The following PCDH15 variants were observed in gnomAD, a reference collection of about 807,000 sequenced individuals.
PCDH15 encodes the protein protocadherin related 15, also known as protocadherin-15.
Under a neutral mutation model 178.5 loss-of-function variants are expected in PCDH15, and 129 were observed. The observed-to-expected ratio is 0.72, with a 90% CI of 0.63 to 0.84. The LOEUF is 0.84. Among genes scored for constraint, PCDH15 ranks in the 40% least tolerant of loss-of-function variants. The pLI is 0.00. For missense variants in PCDH15, 2,230 were observed against 2,099.9 expected (o/e 1.06, Z -1.21); for synonymous variants, 800 against 732.0 (o/e 1.09, Z -1.50).
intron 23 of PCDH15, among the ~76,000 whole-genome samples, chr10:53,959,190 TAC>T (rs1312535466): frequency 1.3e-5 from 2 of 148,732 alleles, no homozygotes; most frequent in East Asian, 1.9e-4. Context: ...TATATATATA[TAC>T]ACACAGTATA....
intron 3 of PCDH15, among the ~76,000 whole-genome samples, chr10:54,884,604 G>T (rs1469187022): frequency 1.3e-5 from 2 of 151,762 alleles, no homozygotes; most frequent in Non-Finnish European, 2.9e-5. Context: ...TCTTTTCCAT[G>T]CTGCAAATCA....
rs142756151 is a variant in PCDH15, at chr10:54,347,474, A to C, written c.475-990T>G. 1.5e-3 allele frequency among the ~76,000 whole-genome samples: 230 copies of C among 152,216 alleles called. 2 individuals carry two copies. The highest frequency in any genetic ancestry group is 5.0e-3 in the African/African-American group (207 of 41,548). On this transcript the variant is annotated intron_variant, in intron 5 of 37. Coordinates refer to ENST00000644397, the MANE Select transcript of PCDH15 (RefSeq NM_001384140.1). ...AAACATAAGCTCTGTGCCTCTACAG[A>C]CTGGACGCTTTTAATGTTTGCTCAG...
At chr10:55,242,332 C>G (rs563365613) in intron 1 of PCDH15, among the ~76,000 whole-genome samples, 1 of 152,062 alleles carries the variant, frequency 6.6e-6, no homozygotes, top group African/African-American at 2.4e-5. Context: ...AACTATAATA[C>G]TGTGTGTACT....
In PCDH15 at chr10:54,023,128, G is replaced by C; in HGVS notation, c.2290C>G (p.Arg764Gly). Residue 764 changes from arginine (R) to glycine (G), a missense_variant, in exon 19 of 38, where the codon CGT (arginine) becomes GGT (glycine). Arg to Gly is a moderately radical substitution (Grantham distance 125). Coordinates refer to ENST00000644397, the MANE Select transcript of PCDH15 (RefSeq NM_001384140.1). ...TAAATGCTCCCATTGGATGTGATACGAAAAAGATTATTAAAGTTACCCAAA... is the reference window on the plus strand; with the variant it reads ...TAAATGCTCCCATTGGATGTGATACCAAAAAGATTATTAAAGTTACCCAAA... ...YSLGNFNNLF[R>G]ITSNGSIYTA... The C allele has an allele frequency of 6.2e-7, 1 of 1,613,762 alleles. No homozygotes were observed. Among genetic ancestry groups the C allele is most frequent in the Non-Finnish European group, 8.5e-7 (1 of 1,179,852 alleles).
At chr10:54,911,210 T>G (rs1380326467) in intron 2 of PCDH15, among the ~76,000 whole-genome samples, 1 of 152,178 alleles carries the variant, frequency 6.6e-6, no homozygotes, top group Admixed American at 6.6e-5. Flanking sequence ...GTTTCACCGG[T>G]TAAGCTCAGA....
At chr10:55,419,696 T>G (rs7911568) in intron 2 of PCDH15, among the ~76,000 whole-genome samples, 71,153 of 151,384 alleles carry the variant, frequency 0.47, 17,572 homozygotes, top group Middle Eastern at 0.53. Flanking sequence ...TTTCTAGAAC[T>G]ATCTGTACAC....
chr10:54,385,330 CAGAT>C (rs552080483), intron 3 of PCDH15, among the ~76,000 whole-genome samples: 221 of 152,026 alleles, frequency 1.5e-3, no homozygotes, highest in African/African-American at 5.0e-3. Flanking sequence ...AATAATAAAA[CAGAT>C]GGATGTTATG....
intron 3 of PCDH15, among the ~76,000 whole-genome samples, chr10:54,472,779 C>T (rs1177509810): frequency 6.6e-6 from 1 of 151,952 alleles, no homozygotes; most frequent in Non-Finnish European, 1.5e-5. Flanking sequence ...TGGGAGCGAG[C>T]CTGGAAAGGA....
At position 55,329,328 on chromosome 10, in the gene PCDH15, G is replaced by A. The variant is rs368890055; in HGVS notation, c.-155-162677C>T. Among the ~76,000 whole-genome samples the A allele has an allele frequency of 4.6e-5, 7 of 151,596 alleles. No homozygotes were observed. The South Asian group carries it at 1.5e-3, about 31-fold the overall frequency. ...TATTGTGAGTACATTGTTACTCTGAGAGCTAGCAAAATATGTATTCTTGTG... is the reference window on the plus strand; with the variant it reads ...TATTGTGAGTACATTGTTACTCTGAAAGCTAGCAAAATATGTATTCTTGTG... On this transcript the variant is annotated intron_variant, in intron 2 of 5. Coordinates refer to the PCDH15 transcript ENST00000613346.
upstream of PCDH15, among the ~76,000 whole-genome samples, chr10:54,804,344 C>G (rs904519673): frequency 1.3e-5 from 2 of 152,040 alleles, no homozygotes; most frequent in Non-Finnish European, 2.9e-5. Context: ...TGCCAGCTGT[C>G]AAAATTTTAA....
chr10:54,909,683 C>T (rs1023198046), intron 2 of PCDH15, among the ~76,000 whole-genome samples: 2 of 152,068 alleles, frequency 1.3e-5, no homozygotes, highest in South Asian at 4.1e-4. Flanking sequence ...GGGGCTCCTG[C>T]CTGCTCCCAG....
intron 2 of PCDH15, among the ~76,000 whole-genome samples, chr10:55,517,466 C>T (rs1335297375): frequency 1.3e-5 from 2 of 152,074 alleles, no homozygotes; most frequent in African/African-American, 4.8e-5. Flanking sequence ...GGCTTTTACT[C>T]TTACTCATAG....
intron 2 of PCDH15, among the ~76,000 whole-genome samples, chr10:55,478,734 CAA>C (rs969834137): frequency 2.0e-5 from 3 of 150,632 alleles, no homozygotes; most frequent in Admixed American, 1.3e-4. Flanking sequence ...AAAAAGTTGA[CAA>C]ATCTTTAACA....
intron 2 of PCDH15, among the ~76,000 whole-genome samples, chr10:54,530,844 C>T (rs1264392214): frequency 2.0e-5 from 3 of 152,056 alleles, no homozygotes; most frequent in Non-Finnish European, 4.4e-5. Context: ...GTTAAGCAGA[C>T]ACATAATAAA....
Position 55,456,315 on chromosome 10 carries a change from C to T in PCDH15, c.-156+171310G>A, listed in dbSNP as rs1407059721. 4.6e-5 allele frequency among the ~76,000 whole-genome samples: 7 copies of T among 151,932 alleles called. No individual in the cohort carries two copies. In the South Asian group the frequency reaches 6.2e-4, roughly 14 times the overall value. On this transcript the variant is annotated intron_variant, in intron 2 of 5. Coordinates refer to the PCDH15 transcript ENST00000613346. ...CCTATGGAGAGAGGGACTGGAGAGG[C>T]GAGCAAGAAAAGTTATCTCTTTGCT...
intron 1 of PCDH15, among the ~76,000 whole-genome samples, chr10:55,174,507 G>C (rs1839425037): frequency 8.6e-6 from 1 of 115,820 alleles, no homozygotes; most frequent in South Asian, 2.8e-4. Flanking sequence ...CTGTAAATGA[G>C]ATGGCCAAAG....
intron 14 of PCDH15, among the ~76,000 whole-genome samples, chr10:54,133,217 T>C (rs1268997027): frequency 6.6e-6 from 1 of 152,238 alleles, no homozygotes; most frequent in Non-Finnish European, 1.5e-5. Context: ...TTGACTCCAG[T>C]ATCTGTTTTT....
intron 2 of PCDH15, among the ~76,000 whole-genome samples, chr10:54,985,626 A>G (rs1306020984): frequency 6.6e-6 from 1 of 152,198 alleles, no homozygotes; most frequent in East Asian, 1.9e-4. Flanking sequence ...GTGACTGACT[A>G]GAAGCTGTGG....
intron 3 of PCDH15, among the ~76,000 whole-genome samples, chr10:54,503,496 A>T (rs535790980): frequency 6.7e-6 from 1 of 148,324 alleles, no homozygotes; most frequent in Non-Finnish European, 1.5e-5. Flanking sequence ...AATAGGAACA[A>T]AAACAGAATA....
Sources: allele counts gnomAD v4.1 joint callset (sites outside exome capture counted in the v4.1 genomes callset), GRCh38; gene constraint gnomAD v4.1.1; transcripts MANE v1.5; gene names NCBI Gene and HGNC (gene_info 2026-07-23, HGNC 2026-07-21).